MATCAP2: variants seen among roughly 807,000 people sequenced by gnomAD.
MATCAP2 encodes the protein putative tyrosine carboxypeptidase MATCAP2.
chr7:36,389,779 C>A, the MATCAP2 span: 4 of 603,534 alleles, frequency 6.6e-6, no homozygotes, highest in Non-Finnish European at 8.1e-6. Flanking sequence ...AGCGCAGGGG[C>A]GGGGAGAGGG....
chr7:36,332,160 C>G, the MATCAP2 span, among the ~76,000 whole-genome samples: 21 of 151,676 alleles, frequency 1.4e-4, 1 homozygote, highest in African/African-American at 3.9e-4. Context: ...AAAAAAGGGA[C>G]TAGTCTAAAA....
chr7:36,354,489 T>C, the MATCAP2 span, among the ~76,000 whole-genome samples: 3 of 152,214 alleles, frequency 2.0e-5, no homozygotes, highest in Admixed American at 1.3e-4. Context: ...CAGCTGTGGA[T>C]TGGCAAGGCC....
chr7:36,355,212 T>C, the MATCAP2 span: 1 of 152,236 alleles, frequency 6.6e-6, no homozygotes, highest in African/African-American at 2.4e-5. Context: ...CTAACCTCTT[T>C]ATTAGTGCTT....
At chr7:36,358,515 C>T in the MATCAP2 span, among the ~76,000 whole-genome samples, 18 of 152,070 alleles carry the variant, frequency 1.2e-4, no homozygotes, top group Non-Finnish European at 2.2e-4. Context: ...GTTAGAAAAA[C>T]AAATTTTAAT....
chr7:36,388,578 G>A, the MATCAP2 span, among the ~76,000 whole-genome samples: 1 of 152,188 alleles, frequency 6.6e-6, no homozygotes, highest in African/African-American at 2.4e-5. Context: ...AACAAATCAA[G>A]AACTGTCATC....
the MATCAP2 span, among the ~76,000 whole-genome samples, chr7:36,378,369 C>T: frequency 6.6e-6 from 1 of 152,206 alleles, no homozygotes; most frequent in Non-Finnish European, 1.5e-5. Flanking sequence ...TGCTGGAGGT[C>T]CACTGCAGAC....
chr7:36,369,073 T>C, the MATCAP2 span, among the ~76,000 whole-genome samples: 1 of 152,180 alleles, frequency 6.6e-6, no homozygotes, highest in Non-Finnish European at 1.5e-5. Context: ...TCTCCATCCC[T>C]AGAATAAAAT....
At chr7:36,363,747 T>C in the MATCAP2 span, among the ~76,000 whole-genome samples, 1 of 152,220 alleles carries the variant, frequency 6.6e-6, no homozygotes, top group East Asian at 1.9e-4. Context: ...AGTTTCCTTA[T>C]CTGTAAAATG....
At chr7:36,381,974 T>A in the MATCAP2 span, among the ~76,000 whole-genome samples, 2 of 152,106 alleles carry the variant, frequency 1.3e-5, no homozygotes, top group Non-Finnish European at 2.9e-5. Flanking sequence ...GCAATAAATC[T>A]GTTACATTCT....
chr7:36,354,523 T>C, the MATCAP2 span, among the ~76,000 whole-genome samples: 3 of 152,188 alleles, frequency 2.0e-5, no homozygotes, highest in Non-Finnish European at 2.9e-5. Flanking sequence ...CCAGAGACCA[T>C]GGGGCTAGTT....
the MATCAP2 span, chr7:36,390,326 A>G: frequency 5.9e-6 from 3 of 509,236 alleles, no homozygotes; most frequent in East Asian, 6.5e-5. Flanking sequence ...CGTTTTTACC[A>G]TGTCCCTCTG....
the MATCAP2 span, among the ~76,000 whole-genome samples, chr7:36,327,199 C>T: frequency 6.6e-6 from 1 of 152,142 alleles, no homozygotes; most frequent in Non-Finnish European, 1.5e-5. Flanking sequence ...AGTGCAGTGG[C>T]GTGATCTTGG....
At chr7:36,363,219 C>T in the MATCAP2 span, among the ~76,000 whole-genome samples, 4 of 152,168 alleles carry the variant, frequency 2.6e-5, no homozygotes, top group Admixed American at 1.3e-4. Flanking sequence ...TATATTCAAC[C>T]TGTATGGCCT....
At chr7:36,381,771 G>A in the MATCAP2 span, among the ~76,000 whole-genome samples, 1 of 152,102 alleles carries the variant, frequency 6.6e-6, no homozygotes, top group Non-Finnish European at 1.5e-5. Flanking sequence ...GCATGAATGG[G>A]ACTGAGGAAA....
At chr7:36,327,003 A>ATCTGTATACTTTCATTT in the MATCAP2 span, 3 of 1,195,250 alleles carry the variant, frequency 2.5e-6, no homozygotes, top group Non-Finnish European at 3.5e-6. Context: ...GCCTTAAATG[A>ATCTGTATACTTTCATTT]AAGTATACAG....
At chr7:36,362,783 CTT>C in the MATCAP2 span, among the ~76,000 whole-genome samples, 1 of 152,202 alleles carries the variant, frequency 6.6e-6, no homozygotes, top group Non-Finnish European at 1.5e-5. Flanking sequence ...CTATCCCTCT[CTT>C]TGTTAGATTA....
chr7:36,381,624 T>A, the MATCAP2 span, among the ~76,000 whole-genome samples: 5 of 145,090 alleles, frequency 3.4e-5, no homozygotes, highest in Admixed American at 2.2e-4. Context: ...TGAGCTAAGA[T>A]GGTAACACTG....
the MATCAP2 span, among the ~76,000 whole-genome samples, chr7:36,371,794 T>C: frequency 1.3e-5 from 2 of 152,284 alleles, no homozygotes; most frequent in Non-Finnish European, 2.9e-5. Context: ...AGGGTCTCAC[T>C]CTGTTGCCCA....
chr7:36,363,515 A>T, the MATCAP2 span, among the ~76,000 whole-genome samples: 1 of 152,212 alleles, frequency 6.6e-6, no homozygotes, highest in African/African-American at 2.4e-5. Flanking sequence ...AAATCTAAAA[A>T]CCAACAGTTG....
Sources: allele counts gnomAD v4.1 joint callset (sites outside exome capture counted in the v4.1 genomes callset), GRCh38; gene constraint gnomAD v4.1.1; transcripts MANE v1.5; gene names NCBI Gene and HGNC (gene_info 2026-07-23, HGNC 2026-07-21).